The following NIM1K variants were observed in gnomAD, a reference collection of about 807,000 sequenced individuals.
NIM1K encodes the protein NIM1 serine/threonine protein kinase.
Under a neutral mutation model 37.1 loss-of-function variants are expected in NIM1K, and 35 were observed. The ratio of observed to expected loss-of-function variants is 0.94; its 90% confidence interval spans 0.72 to 1.25. The LOEUF is 1.25. NIM1K is among the 50% of genes most tolerant of loss of function. NIM1K has a pLI of 0.00. For synonymous variants in NIM1K, 234 were observed against 206.6 expected (o/e 1.13, Z -1.14); for missense variants, 564 against 548.0 (o/e 1.03, Z -0.29).
chr5:43,276,330 CTG>C (rs1753339919), intron 2 of NIM1K, among the ~76,000 whole-genome samples: 1 of 152,256 alleles, frequency 6.6e-6, no homozygotes, highest in Admixed American at 6.5e-5. Context: ...GCACATCACA[CTG>C]TGAAAGCAGG....
At chr5:43,263,996 T>C (rs1419772347) in intron 2 of NIM1K, among the ~76,000 whole-genome samples, 5 of 152,244 alleles carry the variant, frequency 3.3e-5, no homozygotes, top group Admixed American at 1.3e-4. Context: ...CAGTTTGTTA[T>C]AATTTCTGTT....
At position 43,241,426 on chromosome 5, in the gene NIM1K, G is replaced by T. The variant is rs528964136; in HGVS notation, c.-694-3656G>T. ...CACTCGGCACTGGGTTCTCGCCTCCGCCTCCTGGGTTCAAGTGATTCTCTT... is the reference window on the plus strand; with the variant it reads ...CACTCGGCACTGGGTTCTCGCCTCCTCCTCCTGGGTTCAAGTGATTCTCTT... On this transcript the variant is annotated intron_variant, in intron 1 of 3. Transcript: ENST00000326035. 2.7e-3 allele frequency among the ~76,000 whole-genome samples: 401 copies of T among 150,904 alleles called. 15 individuals are homozygous for T. Among genetic ancestry groups the T allele is most frequent in the African/African-American group, 9.4e-3 (385 of 40,798 alleles).
At chr5:43,267,529 G>T (rs1202206249) in intron 2 of NIM1K, among the ~76,000 whole-genome samples, 1 of 151,984 alleles carries the variant, frequency 6.6e-6, no homozygotes, top group Non-Finnish European at 1.5e-5. Flanking sequence ...TTAGCTCCTT[G>T]AGGTGCGATG....
intron 2 of NIM1K, among the ~76,000 whole-genome samples, chr5:43,266,206 C>T (rs1427612139): frequency 1.3e-5 from 2 of 152,196 alleles, no homozygotes; most frequent in African/African-American, 4.8e-5. Flanking sequence ...TCAGCTATGC[C>T]CTGCCCCTAG....
At chr5:43,207,027 C>T (rs1439194270) in intron 1 of NIM1K, 1 of 740,914 alleles carries the variant, frequency 1.3e-6, no homozygotes, top group Non-Finnish European at 2.5e-6. Flanking sequence ...CAATTACCAC[C>T]TAAGTTCGAG....
chr5:43,200,489 A>T (rs1210507172), intron 1 of NIM1K, among the ~76,000 whole-genome samples: 1 of 151,376 alleles, frequency 6.6e-6, no homozygotes, highest in Non-Finnish European at 1.5e-5. Flanking sequence ...TTTAGTAGAG[A>T]CGGGGTTTCC....
At chr5:43,232,958 T>C in intron 1 of NIM1K, 2 of 1,128,828 alleles carry the variant, frequency 1.8e-6, no homozygotes, top group Non-Finnish European at 2.7e-6. Context: ...TCAATTACCA[T>C]GGGTTTCAGG....
At chr5:43,208,374 G>A (rs185781680) in intron 1 of NIM1K, among the ~76,000 whole-genome samples, 27 of 152,270 alleles carry the variant, frequency 1.8e-4, no homozygotes, top group Admixed American at 1.2e-3. Flanking sequence ...GGAGGCCGAC[G>A]CGGGCAGATC....
chr5:43,273,071 A>G (rs1489762470), intron 2 of NIM1K, among the ~76,000 whole-genome samples: 1 of 151,872 alleles, frequency 6.6e-6, no homozygotes, highest in Non-Finnish European at 1.5e-5. Flanking sequence ...CCATCTGTCT[A>G]CTTCTCTCTG....
At chr5:43,226,936 C>T (rs185353158) in intron 1 of NIM1K, among the ~76,000 whole-genome samples, 4 of 152,272 alleles carry the variant, frequency 2.6e-5, no homozygotes, top group African/African-American at 7.2e-5. Flanking sequence ...GCAGTGGGGG[C>T]AGGAGCCGTC....
chr5:43,262,536 A>C (rs542504713), intron 2 of NIM1K, among the ~76,000 whole-genome samples: 1 of 152,304 alleles, frequency 6.6e-6, no homozygotes, highest in South Asian at 2.1e-4. Flanking sequence ...CTAGATATAC[A>C]ATCATGTCAT....
At chr5:43,209,667 G>A (rs1165886543) in intron 1 of NIM1K, among the ~76,000 whole-genome samples, 1 of 151,838 alleles carries the variant, frequency 6.6e-6, no homozygotes, top group East Asian at 1.9e-4. Flanking sequence ...TGCCCAGGCT[G>A]GAGTGCAGTG....
chr5:43,272,402 T>TTCTA (rs778969702), intron 2 of NIM1K, among the ~76,000 whole-genome samples: 8 of 152,046 alleles, frequency 5.3e-5, no homozygotes, highest in African/African-American at 1.7e-4. Flanking sequence ...ACCTGATATT[T>TTCTA]TCTATCTGCC....
intron 1 of NIM1K, among the ~76,000 whole-genome samples, chr5:43,211,806 T>TACCAGGC (rs1561074216): frequency 1.3e-5 from 2 of 152,184 alleles, no homozygotes; most frequent in Non-Finnish European, 2.9e-5. Context: ...AATCTACATT[T>TACCAGGC]TGGAATAATC....
At chr5:43,233,327 A>AG (rs59633656) in intron 1 of NIM1K, among the ~76,000 whole-genome samples, 2 of 150,238 alleles carry the variant, frequency 1.3e-5, no homozygotes, top group Admixed American at 1.3e-4. Flanking sequence ...AAAAAAAAAA[A>AG]CTTAACCTTC....
At chr5:43,196,345 C>G (rs1363332926) in intron 1 of NIM1K, among the ~76,000 whole-genome samples, 1 of 152,122 alleles carries the variant, frequency 6.6e-6, no homozygotes, top group Non-Finnish European at 1.5e-5. Flanking sequence ...AAGCTTATAA[C>G]TGGCTGGGCG....
chr5:43,212,666 TGACAAAAG>T (rs1257939798), intron 1 of NIM1K, among the ~76,000 whole-genome samples: 1 of 151,960 alleles, frequency 6.6e-6, no homozygotes, highest in Non-Finnish European at 1.5e-5. Context: ...TGTGGCTCAG[TGACAAAAG>T]CAGAAGATGC....
chr5:43,232,051 C>A (rs933062422), intron 1 of NIM1K: 1 of 1,023,412 alleles, frequency 9.8e-7, no homozygotes, highest in Non-Finnish European at 1.5e-6. Context: ...GCACACAGCT[C>A]TCTGTGTCTT....
Position 43,280,247 on chromosome 5 carries a change from G to A in NIM1K, c.829G>A (p.Ala277Thr). Residue 277 changes from alanine to threonine, a missense_variant, in exon 4 of 4, where the codon GCC becomes ACC. Coordinates refer to ENST00000326035, the MANE Select transcript of NIM1K (RefSeq NM_153361.4). ...CATGCCATTTCGGGCAGAAACCGTGGCCAAACTAAAAAAGAGCATCCTCGA... is the reference window on the plus strand; with the variant it reads ...CATGCCATTTCGGGCAGAAACCGTGACCAAACTAAAAAAGAGCATCCTCGA... Reference protein sequence around the residue: ...GTMPFRAETVAKLKKSILEGT... With the variant: ...GTMPFRAETVTKLKKSILEGT... 1 of 1,614,094 alleles carries A rather than the reference G, an allele frequency of 6.2e-7. No individual in the cohort carries two copies.
Sources: gnomAD v4.1 joint callset for allele counts (sites outside exome capture counted in the v4.1 genomes callset) on GRCh38, gnomAD v4.1.1 for gene constraint, MANE v1.5 for transcripts, NCBI Gene and HGNC (gene_info 2026-07-23, HGNC 2026-07-21) for gene names.